Variants in ASTN2 observed in about 807,000 individuals in gnomAD.
ASTN2 encodes astrotactin 2, also known as astrotactin-2.
In ASTN2, 54 loss-of-function variants were observed where a neutral mutation model predicts 139.8. That is an observed-to-expected ratio of 0.39 (90% confidence interval 0.31 to 0.48). The LOEUF is 0.48. ASTN2 is among the 20% of genes least tolerant of loss of function. The pLI, the probability that ASTN2 is intolerant of heterozygous loss-of-function variation, is 0.95. For synonymous variants in ASTN2, 756 were observed against 719.5 expected, an observed-to-expected ratio of 1.05 and a Z score of -0.81; for missense variants, 1,565 against 1,725.1, an observed-to-expected ratio of 0.91 and a Z score of 1.64.
At chr9:116,493,154 A>G (rs1412972984) in intron 19 of ASTN2, among the ~76,000 whole-genome samples, 2 of 152,182 alleles carry the variant, frequency 1.3e-5, no homozygotes, top group African/African-American at 4.8e-5. Flanking sequence ...ACTCAGGGGC[A>G]GAATCCAGAA....
intron 2 of ASTN2, among the ~76,000 whole-genome samples, chr9:117,246,096 C>T (rs933851636): frequency 9.2e-5 from 14 of 152,176 alleles, no homozygotes; most frequent in East Asian, 7.7e-4. Flanking sequence ...GCCTTGTTCT[C>T]CCCATTTCAC....
intron 19 of ASTN2, among the ~76,000 whole-genome samples, chr9:116,575,203 C>A (rs1332250216): frequency 2.0e-5 from 3 of 151,704 alleles, no homozygotes; most frequent in African/African-American, 7.3e-5. Flanking sequence ...TATTGGCTTA[C>A]CTCTTTTTTT....
intron 10 of ASTN2, among the ~76,000 whole-genome samples, chr9:116,910,363 C>T (rs146328011): frequency 4.6e-5 from 7 of 152,152 alleles, no homozygotes; most frequent in Non-Finnish European, 8.8e-5. Flanking sequence ...GACTGTCCCA[C>T]GCGTGATAGG....
chr9:116,912,470 G>C (rs1389961300), intron 10 of ASTN2, among the ~76,000 whole-genome samples: 1 of 152,204 alleles, frequency 6.6e-6, no homozygotes, highest in East Asian at 1.9e-4. Context: ...TTTCTGACAA[G>C]AACTTCTCAT....
At chr9:116,479,926 T>G (rs1849112401) in intron 20 of ASTN2, among the ~76,000 whole-genome samples, 1 of 152,206 alleles carries the variant, frequency 6.6e-6, no homozygotes, top group Admixed American at 6.5e-5. Context: ...AATCTGCCTC[T>G]ACTTACTAGC....
intron 15 of ASTN2, among the ~76,000 whole-genome samples, chr9:116,726,929 C>T (rs1828641449): frequency 6.6e-6 from 1 of 152,014 alleles, no homozygotes; most frequent in African/African-American, 2.4e-5. Flanking sequence ...AGTTTTAGCT[C>T]CAGCCAAATT....
chr9:116,448,668 T>C (rs927288330), intron 20 of ASTN2, among the ~76,000 whole-genome samples: 1 of 152,202 alleles, frequency 6.6e-6, no homozygotes, highest in Non-Finnish European at 1.5e-5. Flanking sequence ...AATTCTACCA[T>C]TGAGCCTCAG....
At chr9:116,567,538 C>G (rs557545765) in intron 19 of ASTN2, among the ~76,000 whole-genome samples, 1 of 152,260 alleles carries the variant, frequency 6.6e-6, no homozygotes, top group African/African-American at 2.4e-5. Flanking sequence ...AAAATGTAGG[C>G]TCTGCCAGAT....
chr9:116,488,932 C>G (rs549346631), intron 19 of ASTN2, among the ~76,000 whole-genome samples: 1 of 152,144 alleles, frequency 6.6e-6, no homozygotes, highest in Non-Finnish European at 1.5e-5. Flanking sequence ...CTAAGTTCCC[C>G]TCTAATTCTA....
intron 1 of ASTN2, among the ~76,000 whole-genome samples, chr9:117,361,999 G>T (rs541986728): frequency 6.6e-6 from 1 of 152,202 alleles, no homozygotes; most frequent in East Asian, 1.9e-4. Context: ...TTGAGATGGA[G>T]TTTCATTCTT....
intron 19 of ASTN2, among the ~76,000 whole-genome samples, chr9:116,565,383 CTCTCCATATATAT>C (rs1853150011): frequency 2.8e-5 from 1 of 36,086 alleles, no homozygotes; most frequent in Admixed American, 4.3e-4. Context: ...CTCTCTCTCT[CTCTCCATATATAT>C]ATATATATAT....
chr9:116,643,500 T>G (rs1857442407), intron 17 of ASTN2, among the ~76,000 whole-genome samples: 2 of 152,230 alleles, frequency 1.3e-5, no homozygotes. Context: ...AGGCTGGATG[T>G]GGCCCATGGG....
chr9:117,218,188 C>G (rs981586649), intron 2 of ASTN2, among the ~76,000 whole-genome samples: 5 of 152,198 alleles, frequency 3.3e-5, no homozygotes, highest in Admixed American at 3.3e-4. Flanking sequence ...GGCAGAGGGA[C>G]CCCCTGGTTT....
At chr9:116,524,002 T>A (rs1850987949) in intron 19 of ASTN2, among the ~76,000 whole-genome samples, 1 of 151,998 alleles carries the variant, frequency 6.6e-6, no homozygotes, top group Non-Finnish European at 1.5e-5. Context: ...AGAAAGGCCA[T>A]TTTTTTTCCT....
chr9:116,671,337 A>T (rs2131988278), intron 16 of ASTN2, among the ~76,000 whole-genome samples: 1 of 152,324 alleles, frequency 6.6e-6, no homozygotes, highest in East Asian at 1.9e-4. Context: ...TTGAATTCAA[A>T]CATCTATTGA....
At chr9:117,009,134 G>A (rs1459669881) in intron 6 of ASTN2, among the ~76,000 whole-genome samples, 1 of 152,032 alleles carries the variant, frequency 6.6e-6, no homozygotes, top group East Asian at 1.9e-4. Context: ...TGGAACTAAA[G>A]GCTAGTGGCA....
chr9:117,064,768 A>G (rs1462370248), intron 5 of ASTN2, among the ~76,000 whole-genome samples: 2 of 151,720 alleles, frequency 1.3e-5, no homozygotes, highest in Admixed American at 6.6e-5. Context: ...ATGTCATAAA[A>G]CTGTACATGT....
intron 10 of ASTN2, among the ~76,000 whole-genome samples, chr9:116,954,412 CA>C (rs1437591018): frequency 2.0e-5 from 3 of 152,150 alleles, no homozygotes; most frequent in African/African-American, 7.2e-5. Flanking sequence ...ATCTACATTT[CA>C]AATAAGCAAG....
chr9:117,077,156 G>A (rs1828303263), intron 5 of ASTN2, among the ~76,000 whole-genome samples: 1 of 152,184 alleles, frequency 6.6e-6, no homozygotes, highest in African/African-American at 2.4e-5. Context: ...ACAAGGGACA[G>A]ACACAATCAA....
Sources: allele counts gnomAD v4.1 joint callset (sites outside exome capture counted in the v4.1 genomes callset), GRCh38; gene constraint gnomAD v4.1.1; transcripts MANE v1.5; gene names NCBI Gene and HGNC (gene_info 2026-07-23, HGNC 2026-07-21).